The following ASB2 variants were observed in gnomAD, a reference collection of about 807,000 sequenced individuals.
The protein encoded by ASB2 is ankyrin repeat and SOCS box protein 2.
Under a neutral mutation model 62.4 loss-of-function variants are expected in ASB2, and 58 were observed. That is an observed-to-expected ratio of 0.93 (90% CI 0.75 to 1.16). The LOEUF (loss-of-function observed/expected upper bound fraction) is 1.16, where lower values mean the gene tolerates loss of function less well. Among genes scored for constraint, ASB2 ranks in the 50% most tolerant of loss-of-function variants. The probability of loss-of-function intolerance (pLI) is 0.00; values close to 1 mark genes in which losing one functional copy is unlikely to be tolerated. For missense variants in ASB2, 928 were observed against 887.9 expected, an observed-to-expected ratio of 1.05 and a Z score of -0.57; for synonymous variants, 386 against 385.3, an observed-to-expected ratio of 1.00 and a Z score of -0.02.
At chr14:93,950,108 G>A (rs1224715542) in intron 6 of ASB2, among the ~76,000 whole-genome samples, 1 of 152,166 alleles carries the variant, frequency 6.6e-6, no homozygotes, top group African/African-American at 2.4e-5. Flanking sequence ...TCTATAAAAT[G>A]GGACGAGCAT....
At chr14:93,963,668 C>G (rs1889483057) in intron 2 of ASB2, among the ~76,000 whole-genome samples, 1 of 152,092 alleles carries the variant, frequency 6.6e-6, no homozygotes, top group Non-Finnish European at 1.5e-5. Flanking sequence ...TGGTAACAAT[C>G]TGATTCATAA....
In ASB2 at chr14:93,955,225, GCCTCATTCCCAGGA is replaced by G. The variant is rs1889140262; in HGVS notation, c.312-756_312-743del. The G allele has an allele frequency of 2.2e-5, 10 of 451,892 alleles. No homozygotes were observed. The East Asian group carries it at 7.0e-4, about 32-fold the overall frequency. 28.0% of individuals were successfully genotyped at this position (451,892 alleles called of 1,614,324 possible). A position where few individuals can be genotyped will look rare whatever the true frequency, so the allele number is the denominator to read the frequency against. ...ATGGAGAAGGTGAGGCTGGAGGCAG[GCCTCATTCCCAGGA>G]CACCCACGCCATGTTGGGCTAGGAT... On this transcript the variant is annotated intron_variant, in intron 3 of 9. Transcript: ENST00000555019.
At chr14:93,955,424 G>A (rs1889153218) in intron 3 of ASB2, 1 of 321,910 alleles carries the variant, frequency 3.1e-6, no homozygotes, top group Admixed American at 3.9e-5. Flanking sequence ...ATGGGAAACT[G>A]ATCAGATAAG....
At chr14:93,975,482 C>T (rs1815801807) in intron 1 of ASB2, among the ~76,000 whole-genome samples, 2 of 152,242 alleles carry the variant, frequency 1.3e-5, no homozygotes, top group African/African-American at 4.8e-5. Context: ...GAGATGTGAA[C>T]ACACGGGTGG....
chr14:93,959,276 A>T (rs1440759087), intron 2 of ASB2, among the ~76,000 whole-genome samples: 1 of 152,200 alleles, frequency 6.6e-6, no homozygotes, highest in Non-Finnish European at 1.5e-5. Flanking sequence ...AGAGGGAGAC[A>T]AGGCCACACA....
chr14:93,962,314 C>A (rs1335227031), intron 2 of ASB2, among the ~76,000 whole-genome samples: 1 of 151,912 alleles, frequency 6.6e-6, no homozygotes, highest in Non-Finnish European at 1.5e-5. Flanking sequence ...CGGGGTTTCA[C>A]CGTTTTAGCC....
chr14:93,949,261 T>C (rs1230737430), intron 6 of ASB2, among the ~76,000 whole-genome samples: 1 of 152,218 alleles, frequency 6.6e-6, no homozygotes, highest in East Asian at 1.9e-4. Flanking sequence ...TTATTTTTGA[T>C]GATGGTGTGA....
Position 93,958,411 on chromosome 14 carries a change from A to C in ASB2, c.207-1541T>G, listed in dbSNP as rs573810860. ...CACTGTCCGCCCAGCTCCTGATGCC[A>C]CCCTGTCCTCTGAAGGCCTGGCCTC... On this transcript the variant is annotated intron_variant, in intron 2 of 9. Transcript: ENST00000555019. Among the ~76,000 whole-genome samples the C allele has an allele frequency of 4.6e-5, 7 of 152,114 alleles. No individual in the cohort carries two copies. In the South Asian group the frequency reaches 1.5e-3, roughly 32 times the overall value.
chr14:93,967,526 A>G (rs527595348), intron 1 of ASB2, among the ~76,000 whole-genome samples: 3 of 152,334 alleles, frequency 2.0e-5, no homozygotes, highest in African/African-American at 7.2e-5. Flanking sequence ...CTGCACTAAG[A>G]GTCATAGGCT....
intron 6 of ASB2, chr14:93,948,079 T>G (rs949380453): frequency 1.3e-5 from 2 of 151,382 alleles, no homozygotes; most frequent in Admixed American, 6.6e-5. Context: ...GCCACGATGA[T>G]GCTGGTTTTT....
At chr14:93,971,152 C>CA (rs1889745904) in intron 1 of ASB2, among the ~76,000 whole-genome samples, 1 of 152,228 alleles carries the variant, frequency 6.6e-6, no homozygotes, top group African/African-American at 2.4e-5. Context: ...AAATGAGCCC[C>CA]AAGCCCAGCC....
At chr14:93,964,112 G>T (rs972873249) in intron 2 of ASB2, among the ~76,000 whole-genome samples, 1 of 152,162 alleles carries the variant, frequency 6.6e-6, no homozygotes, top group Non-Finnish European at 1.5e-5. Context: ...CCACTGAGAG[G>T]GTCCTTAAGC....
At chr14:93,946,376 G>A (rs1333431971) in intron 7 of ASB2, among the ~76,000 whole-genome samples, 1 of 152,210 alleles carries the variant, frequency 6.6e-6, no homozygotes, top group Non-Finnish European at 1.5e-5. Context: ...TCACCTCTGC[G>A]GCCCAGGCTT....
At chr14:93,935,754 C>T (rs762901789) in intron 9 of ASB2, among the ~76,000 whole-genome samples, 28 of 151,748 alleles carry the variant, frequency 1.8e-4, no homozygotes, top group Non-Finnish European at 3.7e-4. Context: ...TTCACACACC[C>T]ATCACTGTGT....
chr14:93,934,560 G>T lies in ASB2; in HGVS notation c.*96C>A. The T allele has an allele frequency of 1.5e-6, 2 of 1,330,282 alleles. No individual in the cohort carries two copies. The highest frequency in any genetic ancestry group is 2.1e-6 in the Non-Finnish European group (2 of 945,522). 82.4% of individuals were successfully genotyped at this position (1,330,282 alleles called of 1,614,324 possible). On this transcript the variant is annotated 3_prime_UTR_variant, in exon 10 of 10. Coordinates refer to ENST00000555019, the MANE Select transcript of ASB2 (RefSeq NM_001202429.2). ...TGAGAGGGAGGCAGCCTGCAGCCTC[G>T]TCTGTCACCAGGTCCCCTTGGAGTT... is the stretch of plus-strand genomic sequence containing the variant.
chr14:93,956,614 A>T, intron 3 of ASB2, 152 bp downstream of exon 3: 1 of 1,038,762 alleles, frequency 9.6e-7, no homozygotes, highest in Non-Finnish European at 1.4e-6. Context: ...GTGGGGCCCC[A>T]GGGGGGCACC....
At chr14:93,950,501 C>T (rs749919155) in intron 6 of ASB2, among the ~76,000 whole-genome samples, 1 of 152,224 alleles carries the variant, frequency 6.6e-6, no homozygotes, top group Non-Finnish European at 1.5e-5. Context: ...ATCACTTTCC[C>T]ATCCTGGTCC....
At chr14:93,963,463 A>G (rs1166728355) in intron 2 of ASB2, among the ~76,000 whole-genome samples, 2 of 152,176 alleles carry the variant, frequency 1.3e-5, no homozygotes, top group Non-Finnish European at 2.9e-5. Flanking sequence ...TTTGAGATCA[A>G]TCACCGCTCT....
chr14:93,973,394 G>T (rs764562045), intron 1 of ASB2, among the ~76,000 whole-genome samples: 6 of 152,194 alleles, frequency 3.9e-5, no homozygotes, highest in Non-Finnish European at 8.8e-5. Flanking sequence ...CAAAAAGAGA[G>T]CAAGAATGAT....
Sources: allele counts gnomAD v4.1 joint callset (sites outside exome capture counted in the v4.1 genomes callset), GRCh38; gene constraint gnomAD v4.1.1; transcripts MANE v1.5; gene names NCBI Gene and HGNC (gene_info 2026-07-23, HGNC 2026-07-21).